The following MINDY4 variants were observed in gnomAD, a reference collection of about 807,000 sequenced individuals.
MINDY4 encodes the protein probable ubiquitin carboxyl-terminal hydrolase MINDY-4.
In MINDY4, 68 loss-of-function variants were observed where a neutral mutation model predicts 87.0. The ratio of observed to expected loss-of-function variants is 0.78; its 90% CI spans 0.64 to 0.96. The LOEUF (loss-of-function observed/expected upper bound fraction) is 0.96. MINDY4 is among the 40% of genes least tolerant of loss of function. The pLI is 0.00. For synonymous variants in MINDY4, 379 were observed against 363.2 expected, an observed-to-expected ratio of 1.04 and a Z score of -0.50; for missense variants, 919 against 928.2, an observed-to-expected ratio of 0.99 and a Z score of 0.13.
At chr7:30,871,498 G>A (rs1010474778) in intron 13 of MINDY4, among the ~76,000 whole-genome samples, 39 of 152,342 alleles carry the variant, frequency 2.6e-4, no homozygotes, top group Admixed American at 1.6e-3. Context: ...CTCACGTGTG[G>A]CACACCTCTG....
At chr7:30,773,983 C>T (rs545272026) in intron 1 of MINDY4, among the ~76,000 whole-genome samples, 1 of 152,278 alleles carries the variant, frequency 6.6e-6, no homozygotes, top group African/African-American at 2.4e-5. Flanking sequence ...TAAAATTCCA[C>T]TCGTCCTGCT....
At chr7:30,817,579 C>T (rs1788192445) in intron 5 of MINDY4, among the ~76,000 whole-genome samples, 1 of 152,088 alleles carries the variant, frequency 6.6e-6, no homozygotes, top group African/African-American at 2.4e-5. Flanking sequence ...TGGGCACCTC[C>T]AGTGTTTGCT....
chr7:30,891,893 T>C (rs1206311243), intron 17 of MINDY4, 64 bp from the exon 18 acceptor site: 25 of 1,537,910 alleles, frequency 1.6e-5, no homozygotes, highest in Non-Finnish European at 2.1e-5. Flanking sequence ...AGGCAAGAGA[T>C]GGGCTCTCAT....
intron 17 of MINDY4, among the ~76,000 whole-genome samples, chr7:30,887,482 A>G (rs1410677916): frequency 2.0e-5 from 3 of 152,246 alleles, no homozygotes; most frequent in Admixed American, 6.5e-5. Flanking sequence ...GCCTCTGGGC[A>G]TGCGTTGGGG....
intron 5 of MINDY4, among the ~76,000 whole-genome samples, chr7:30,802,871 C>A (rs1474386292): frequency 6.6e-6 from 1 of 151,998 alleles, no homozygotes; most frequent in African/African-American, 2.4e-5. Flanking sequence ...ACCAACCCAA[C>A]CAACCATCCA....
chr7:30,885,936 T>C (rs1370213548), intron 17 of MINDY4, among the ~76,000 whole-genome samples: 1 of 152,120 alleles, frequency 6.6e-6, no homozygotes, highest in African/African-American at 2.4e-5. Flanking sequence ...TTGGCAGTTG[T>C]TCCTAGAAAA....
At chr7:30,845,832 T>A (rs775808610) in intron 9 of MINDY4, among the ~76,000 whole-genome samples, 25 of 152,202 alleles carry the variant, frequency 1.6e-4, no homozygotes, top group Non-Finnish European at 2.9e-4. Flanking sequence ...CAGGACTGTC[T>A]GGCTTCATTA....
At chr7:30,882,416 C>A in intron 16 of MINDY4, 55 bp downstream of exon 16, 1 of 1,415,852 alleles carries the variant, frequency 7.1e-7, no homozygotes, top group Non-Finnish European at 9.3e-7. Flanking sequence ...AGCCTCCAGG[C>A]TGGTCACAGA....
chr7:30,877,364 G>T (rs1369256824), intron 15 of MINDY4, among the ~76,000 whole-genome samples: 1 of 152,140 alleles, frequency 6.6e-6, no homozygotes, highest in Non-Finnish European at 1.5e-5. Context: ...AAAACCAGTT[G>T]GGGTCATCCT....
intron 7 of MINDY4, among the ~76,000 whole-genome samples, chr7:30,838,771 C>T (rs1788937632): frequency 6.6e-6 from 1 of 152,158 alleles, no homozygotes; most frequent in Non-Finnish European, 1.5e-5. Context: ...GTTTAATTGG[C>T]TGGTGTGTTT....
At chr7:30,830,701 G>A (rs1452793040) in intron 6 of MINDY4, among the ~76,000 whole-genome samples, 1 of 152,160 alleles carries the variant, frequency 6.6e-6, no homozygotes, top group Admixed American at 6.5e-5. Context: ...GGGATGATGG[G>A]AACTACCATT....
chr7:30,874,563 G>T (rs956942510), intron 14 of MINDY4, among the ~76,000 whole-genome samples: 3 of 152,228 alleles, frequency 2.0e-5, no homozygotes, highest in African/African-American at 4.8e-5. Flanking sequence ...TGCTCCACAC[G>T]TCACTTTCTC....
intron 15 of MINDY4, among the ~76,000 whole-genome samples, chr7:30,881,586 C>A (rs976609012): frequency 6.6e-6 from 1 of 152,316 alleles, no homozygotes; most frequent in East Asian, 1.9e-4. Flanking sequence ...TTACTTACCC[C>A]GGGCTCCTGG....
At chr7:30,864,729 C>T (rs1789876775) in intron 13 of MINDY4, among the ~76,000 whole-genome samples, 1 of 152,232 alleles carries the variant, frequency 6.6e-6, no homozygotes, top group Non-Finnish European at 1.5e-5. Context: ...AAGGCCACCA[C>T]ATCTGCTAGC....
chr7:30,882,900 T>G, intron 16 of MINDY4, 21 bp from the exon 17 acceptor site: 1 of 1,612,840 alleles, frequency 6.2e-7, no homozygotes, highest in South Asian at 1.1e-5. Flanking sequence ...GACATGTGTG[T>G]GCCTCTCTCC....
At chr7:30,886,383 A>C (rs1223251989) in intron 17 of MINDY4, among the ~76,000 whole-genome samples, 1 of 152,172 alleles carries the variant, frequency 6.6e-6, no homozygotes, top group Non-Finnish European at 1.5e-5. Flanking sequence ...CCAGGGAAAG[A>C]TGCACCACCC....
chr7:30,862,698 A>G (rs6973773), intron 13 of MINDY4, among the ~76,000 whole-genome samples: 50,578 of 152,070 alleles, frequency 0.33, 11,525 homozygotes, highest in African/African-American at 0.65. Flanking sequence ...AAGCCCAGTG[A>G]GGTGGCAAGT....
At chr7:30,776,594 G>A (rs997417824) in intron 1 of MINDY4, among the ~76,000 whole-genome samples, 14 of 152,194 alleles carry the variant, frequency 9.2e-5, no homozygotes, top group Non-Finnish European at 2.1e-4. Context: ...TCTGCCTCTA[G>A]CAACTGGACT....
At chr7:30,885,609 T>C (rs1052383147) in intron 17 of MINDY4, among the ~76,000 whole-genome samples, 1 of 151,858 alleles carries the variant, frequency 6.6e-6, no homozygotes, top group Non-Finnish European at 1.5e-5. Context: ...AGGTCCAGGG[T>C]AGGGCCCAAT....
Sources: allele counts gnomAD v4.1 joint callset (sites outside exome capture counted in the v4.1 genomes callset), GRCh38; gene constraint gnomAD v4.1.1; transcripts MANE v1.5; gene names NCBI Gene and HGNC (gene_info 2026-07-23, HGNC 2026-07-21).